Variants in ASCC3 observed in about 807,000 individuals in gnomAD.
ASCC3 encodes activating signal cointegrator 1 complex subunit 3, also known as ASC-1 complex subunit P200.
A neutral mutation model predicts 256.3 loss-of-function variants in ASCC3; 158 were observed. The observed-to-expected ratio is 0.62, with a 90% confidence interval of 0.54 to 0.70. The LOEUF is 0.70. Ranked by LOEUF, ASCC3 falls within the 30% of genes least tolerant of loss-of-function variation. The pLI is 0.00. For synonymous variants in ASCC3, 948 were observed against 883.4 expected, an observed-to-expected ratio of 1.07 and a Z score of -1.30; for missense variants, 2,259 against 2,626.0, an observed-to-expected ratio of 0.86 and a Z score of 3.05.
intron 36 of ASCC3, among the ~76,000 whole-genome samples, chr6:100,547,000 C>T (rs900504410): frequency 3.9e-5 from 6 of 151,966 alleles, no homozygotes; most frequent in African/African-American, 4.8e-5. Flanking sequence ...TCCATGAGCA[C>T]TACATGACTT....
intron 13 of ASCC3, among the ~76,000 whole-genome samples, chr6:100,694,153 A>G (rs1777967136): frequency 6.6e-6 from 1 of 151,742 alleles, no homozygotes. Context: ...TTGGGAAAAA[A>G]ATTGGTAAAA....
At chr6:100,863,180 G>GA (rs576210593) in intron 3 of ASCC3, among the ~76,000 whole-genome samples, 6 of 152,156 alleles carry the variant, frequency 3.9e-5, no homozygotes, top group Non-Finnish European at 8.8e-5. Flanking sequence ...GCAATATGAT[G>GA]AATTTCAATG....
intron 1 of ASCC3, among the ~76,000 whole-genome samples, chr6:100,875,785 C>T (rs1052243794): frequency 6.6e-6 from 1 of 152,096 alleles, no homozygotes; most frequent in Non-Finnish European, 1.5e-5. Context: ...ATGACTAGCA[C>T]ACCTAGTTTC....
intron 13 of ASCC3, among the ~76,000 whole-genome samples, chr6:100,714,075 G>A (rs187034897): frequency 6.6e-6 from 1 of 152,160 alleles, no homozygotes; most frequent in East Asian, 1.9e-4. Flanking sequence ...CCAGCAAGCC[G>A]CCTATTTTTG....
rs771616068 is a variant in ASCC3, at chr6:100,867,963, G to T, written c.35C>A (p.Ser12Tyr). 1.2e-6 allele frequency: 2 copies of T among 1,613,800 alleles called. No individual in the cohort carries two copies. Among genetic ancestry groups the T allele is most frequent in the South Asian group, 1.1e-5 (1 of 91,048 alleles). The change falls in exon 2 of 42, where the codon TCC becomes TAC. Residue 12 changes from serine (S) to tyrosine (Y), a missense_variant. Ser to Tyr is a moderately radical substitution (Grantham distance 144). Around this residue, in one of 2 missense-constraint regions of ASCC3, gnomAD observed 420 missense variants for 419.3 expected, o/e 1.00. Coordinates refer to ENST00000369162, the MANE Select transcript of ASCC3 (RefSeq NM_006828.4). ...ALPRLTGALR[S>Y]FSNVTKQDNY... The stretch of plus-strand genomic sequence containing the variant: ...ATCTTGCTTGGTGACATTTGAAAAG[G>T]AACGCAAGGCTCCTGTGAGACGAGG...
At chr6:100,566,495 C>T (rs185117310) in intron 36 of ASCC3, among the ~76,000 whole-genome samples, 3 of 152,234 alleles carry the variant, frequency 2.0e-5, no homozygotes, top group Admixed American at 6.5e-5. Flanking sequence ...GATGATCTTG[C>T]TTCTTAGTTT....
intron 13 of ASCC3, among the ~76,000 whole-genome samples, chr6:100,692,665 T>G (rs1461727561): frequency 6.6e-6 from 1 of 152,056 alleles, no homozygotes; most frequent in African/African-American, 2.4e-5. Flanking sequence ...CTTTAGGGCA[T>G]TAAGTGGTTA....
rs775036508 is a variant in ASCC3 at position 100,508,992 on chromosome 6, C to T, written c.*394G>A. Reference sequence around the variant, plus strand: ...ATGCGGCAGAGTTAGAAATCTGTGACAAGTCCTAACACTTGTCACATCTCA... The same window carrying T: ...ATGCGGCAGAGTTAGAAATCTGTGATAAGTCCTAACACTTGTCACATCTCA... On this transcript the variant is annotated 3_prime_UTR_variant, in exon 42 of 42. Transcript: ENST00000369162. 5.3e-5 allele frequency: 12 copies of T among 227,748 alleles called. No individual in the cohort carries two copies. The highest frequency in any genetic ancestry group is 9.6e-5 in the Non-Finnish European group (11 of 114,392). 14.1% of individuals were successfully genotyped at this position (227,748 alleles called of 1,614,324 possible). A position where few individuals can be genotyped will look rare whatever the true frequency, so the allele number is the denominator to read the frequency against.
chr6:100,807,292 C>T (rs528583632), intron 4 of ASCC3, among the ~76,000 whole-genome samples: 1 of 122,584 alleles, frequency 8.2e-6, no homozygotes, highest in Non-Finnish European at 1.7e-5. Context: ...ACTTGTGACA[C>T]CCACCCTCCC....
At chr6:100,524,896 G>A (rs902429631) in intron 37 of ASCC3, among the ~76,000 whole-genome samples, 3 of 151,488 alleles carry the variant, frequency 2.0e-5, no homozygotes, top group Non-Finnish European at 2.9e-5. Context: ...ATAAACATAC[G>A]AAAATAAGAT....
intron 30 of ASCC3, among the ~76,000 whole-genome samples, chr6:100,613,654 T>A (rs1773520878): frequency 6.6e-6 from 1 of 152,172 alleles, no homozygotes; most frequent in Admixed American, 6.5e-5. Context: ...TGCAGGTATC[T>A]TTTTGATATA....
At chr6:100,867,279 A>G (rs1318750468) in intron 2 of ASCC3, among the ~76,000 whole-genome samples, 1 of 152,204 alleles carries the variant, frequency 6.6e-6, no homozygotes, top group Non-Finnish European at 1.5e-5. Flanking sequence ...TTTCCATACC[A>G]TAATTACTAA....
intron 40 of ASCC3, chr6:100,510,413 T>G (rs1773703711): frequency 3.2e-6 from 1 of 310,836 alleles, no homozygotes; most frequent in South Asian, 4.8e-5. Context: ...TCTCATGCTA[T>G]TCCTACAATT....
rs1447072849 is a variant in ASCC3 at position 100,642,606 on chromosome 6, T to A, written c.3876A>T (p.Leu1292=). The A allele has an allele frequency of 2.5e-6, 4 of 1,613,880 alleles. No individual in the cohort carries two copies. In the Admixed American group the frequency reaches 6.7e-5, roughly 27 times the overall value. ...CTGTATGAGGAGGATGTCTCTCTGG[T>A]AGAATTAGATGTTGAAAGTTGATAA... The part of the protein sequence containing the change: ...VCIINFQHLI[L]PERHPPHTEL... Residue 1292 remains leucine (L), a synonymous_variant, in exon 24 of 42, where the codon CTA becomes CTT. Transcript: ENST00000369162.
intron 4 of ASCC3, among the ~76,000 whole-genome samples, chr6:100,818,824 C>A (rs1024107059): frequency 2.5e-5 from 2 of 78,950 alleles, no homozygotes; most frequent in South Asian, 6.7e-4. Flanking sequence ...ATAAAAAAAA[C>A]CATTAGAAGT....
intron 14 of ASCC3, among the ~76,000 whole-genome samples, chr6:100,664,856 C>T (rs574262892): frequency 5.3e-5 from 8 of 152,258 alleles, no homozygotes; most frequent in African/African-American, 1.9e-4. Flanking sequence ...TATTCAAAGC[C>T]AACAGAGGAA....
chr6:100,570,575 C>A (rs147149763), intron 36 of ASCC3, among the ~76,000 whole-genome samples: 1 of 150,812 alleles, frequency 6.6e-6, no homozygotes, highest in African/African-American at 2.4e-5. Context: ...TGTTGTCACA[C>A]CTTCCCCTCC....
At chr6:100,564,153 T>G (rs933907294) in intron 36 of ASCC3, among the ~76,000 whole-genome samples, 1 of 147,378 alleles carries the variant, frequency 6.8e-6, no homozygotes, top group South Asian at 2.1e-4. Flanking sequence ...GTACATGTGT[T>G]TTTTTTTTTA....
At chr6:100,552,431 G>A (rs1012904706) in intron 36 of ASCC3, among the ~76,000 whole-genome samples, 1 of 151,898 alleles carries the variant, frequency 6.6e-6, no homozygotes, top group Non-Finnish European at 1.5e-5. Context: ...ATATGTGATT[G>A]CATCATTGAA....
Sources: gnomAD v4.1 joint callset for allele counts (sites outside exome capture counted in the v4.1 genomes callset) on GRCh38, gnomAD v4.1.1 for gene constraint, gnomAD v4.1.1 regional missense constraint, MANE v1.5 for transcripts, NCBI Gene and HGNC (gene_info 2026-07-23, HGNC 2026-07-21) for gene names.